The following MOCOS variants were observed in gnomAD, a reference collection of about 807,000 sequenced individuals.
MOCOS encodes the protein molybdenum cofactor sulfurase.
In MOCOS, 86 loss-of-function variants were observed where a neutral mutation model predicts 83.6. The observed-to-expected ratio is 1.03, with a 90% confidence interval of 0.86 to 1.23. MOCOS has a LOEUF of 1.23. MOCOS is among the 50% of genes most tolerant of loss of function. MOCOS has a pLI of 0.00. For missense variants in MOCOS, 1,120 were observed against 1,126.9 expected (o/e 0.99, Z 0.09); for synonymous variants, 445 against 434.7 (o/e 1.02, Z -0.29).
In MOCOS at chr18:36,256,958, T is replaced by G. The variant is rs2091643935; in HGVS notation, c.2165-10T>G. The G allele has an allele frequency of 6.2e-7, 1 of 1,606,832 alleles. No individual in the cohort carries two copies. Among genetic ancestry groups the G allele is most frequent in the Non-Finnish European group, 8.5e-7 (1 of 1,173,524 alleles). On this transcript the variant is annotated splice_polypyrimidine_tract_variant and intron_variant, in intron 11 of 14. Coordinates refer to ENST00000261326, the MANE Select transcript of MOCOS (RefSeq NM_017947.4). Reference sequence around the variant, plus strand: ...AGCAACTCTTCTTTTAAATGCTCCATCATTTTCAGATCAACTTCCTGGTAC... The same window carrying G: ...AGCAACTCTTCTTTTAAATGCTCCAGCATTTTCAGATCAACTTCCTGGTAC...
chr18:36,256,315 A>C (rs2091641323), intron 11 of MOCOS, among the ~76,000 whole-genome samples: 1 of 152,216 alleles, frequency 6.6e-6, no homozygotes, highest in East Asian at 1.9e-4. Flanking sequence ...TTTTGCCCTC[A>C]CCAGGGCTCT....
At chr18:36,196,890 G>GA (rs774695449) in intron 2 of MOCOS, among the ~76,000 whole-genome samples, 160 of 151,204 alleles carry the variant, frequency 1.1e-3, no homozygotes, top group African/African-American at 3.5e-3. Flanking sequence ...TATTTTGGAG[G>GA]AAAAAAAAAG....
chr18:36,218,441 CT>C (rs2091482997), intron 8 of MOCOS, among the ~76,000 whole-genome samples: 1 of 151,790 alleles, frequency 6.6e-6, no homozygotes, highest in African/African-American at 2.4e-5. Flanking sequence ...CAGTTTAAAA[CT>C]AGTTTCTCAG....
chr18:36,206,633 C>G (rs1233843955), intron 6 of MOCOS, among the ~76,000 whole-genome samples: 1 of 152,160 alleles, frequency 6.6e-6, no homozygotes, highest in Non-Finnish European at 1.5e-5. Flanking sequence ...ATCTTCCCCT[C>G]CCCCCACCTT....
chr18:36,198,385 C>T (rs996168098), intron 2 of MOCOS, among the ~76,000 whole-genome samples: 1 of 152,102 alleles, frequency 6.6e-6, no homozygotes, highest in African/African-American at 2.4e-5. Context: ...CAAGACAGAA[C>T]AAAAAACCAA....
intron 3 of MOCOS, 38 bp downstream of exon 3, chr18:36,198,794 A>G: frequency 6.2e-7 from 1 of 1,602,866 alleles, no homozygotes; most frequent in Non-Finnish European, 8.5e-7. Context: ...GGGCATACCT[A>G]GGCAGACAGA....
intron 12 of MOCOS, 117 bp downstream of exon 12, chr18:36,257,190 A>T: frequency 1.1e-6 from 1 of 897,038 alleles, no homozygotes; most frequent in Non-Finnish European, 1.9e-6. Flanking sequence ...GCCCTGCTTC[A>T]TGTACAGATG....
At position 36,215,548 on chromosome 18, in the gene MOCOS, C is replaced by T; in HGVS notation, c.1368C>T (p.Leu456=). 6.2e-7 allele frequency: 1 copy of T among 1,614,164 alleles called. No individual in the cohort carries two copies. The highest frequency in any genetic ancestry group is 1.1e-5 in the South Asian group (1 of 91,064). ...ATGTCTGTGGGGACAATATGGACCT[C>T]ATAGATGGGCAGCCCACAGGATCTG... ...AGHVCGDNMD[L]IDGQPTGSVR... The change falls in exon 8 of 15, where the codon CTC becomes CTT. Residue 456 remains leucine, a synonymous_variant. Transcript: ENST00000261326.
intron 11 of MOCOS, among the ~76,000 whole-genome samples, chr18:36,255,942 GA>G (rs2091640061): frequency 6.7e-6 from 1 of 150,238 alleles, no homozygotes; most frequent in African/African-American, 2.5e-5. Context: ...GCTCAGACTG[GA>G]GTGCAATAGT....
chr18:36,268,682 C>T lies in MOCOS; in HGVS notation c.2664C>T (p.Ser888=), dbSNP rs749798372. The T allele has an allele frequency of 3.2e-6, 5 of 1,565,824 alleles. No homozygotes were observed. The highest frequency in any genetic ancestry group is 4.3e-6 in the Non-Finnish European group (5 of 1,163,456). The change falls in exon 15 of 15, where the codon TCC becomes TCT. Residue 888 remains serine, a synonymous_variant. Transcript: ENST00000261326. The part of the protein sequence containing the change: ...PASEKHQDVT[S] ...CTGAGAAACACCAGGATGTTACCTC[C>T]TAAAAAAAATTTTTAGCATAAAGTT...
chr18:36,243,247 G>A (rs916986392), intron 9 of MOCOS, among the ~76,000 whole-genome samples: 7 of 152,070 alleles, frequency 4.6e-5, no homozygotes, highest in South Asian at 2.1e-4. Context: ...CCTCTTTACC[G>A]ATTTGGATGC....
Position 36,268,611 on chromosome 18 carries a change from C to A in MOCOS, c.2593C>A (p.Leu865Ile), listed in dbSNP as rs2091689307. 6.2e-7 allele frequency: 1 copy of A among 1,613,932 alleles called. No homozygotes were observed. Among genetic ancestry groups the A allele is most frequent in the Non-Finnish European group, 8.5e-7 (1 of 1,179,978 alleles). Reference protein sequence around the residue: ...PCFLSVGSQVLPVLKENVEGH... With the variant: ...PCFLSVGSQVIPVLKENVEGH... ...TTTCCTGTCTGTAGGATCTCAGGTGCTCCCTGTGTTGAAAGAGAATGTGGA... is the reference window on the plus strand; with the variant it reads ...TTTCCTGTCTGTAGGATCTCAGGTGATCCCTGTGTTGAAAGAGAATGTGGA... Residue 865 changes from leucine (L) to isoleucine (I), a missense_variant, in exon 15 of 15, where the codon CTC (leucine) becomes ATC (isoleucine). Physicochemically the swap from Leu to Ile is conservative, Grantham distance 5 (BLOSUM62 2). Transcript: ENST00000261326.
intron 2 of MOCOS, among the ~76,000 whole-genome samples, chr18:36,197,686 G>A (rs1321783286): frequency 6.6e-6 from 1 of 150,854 alleles, no homozygotes; most frequent in East Asian, 2.0e-4. Flanking sequence ...GGCAGGAGGA[G>A]CCCTTGAGCC....
intron 9 of MOCOS, among the ~76,000 whole-genome samples, chr18:36,241,663 C>T (rs1017200308): frequency 6.6e-6 from 1 of 152,236 alleles, no homozygotes; most frequent in Non-Finnish European, 1.5e-5. Flanking sequence ...TCACATTACC[C>T]ATCTGTGCTG....
chr18:36,259,930 TAGA>T (rs554712111), intron 12 of MOCOS, 104 bp from the exon 13 acceptor site: 48 of 1,458,550 alleles, frequency 3.3e-5, no homozygotes, highest in Admixed American at 1.7e-4. Context: ...CAGGCCACAG[TAGA>T]GCTGATGAAG....
At chr18:36,243,538 A>G (rs992776916) in intron 9 of MOCOS, among the ~76,000 whole-genome samples, 1 of 151,752 alleles carries the variant, frequency 6.6e-6, no homozygotes, top group African/African-American at 2.4e-5. Flanking sequence ...GGATTTTTGC[A>G]TCTATATTCA....
chr18:36,194,865 G>C (rs1301873590), intron 1 of MOCOS, among the ~76,000 whole-genome samples: 1 of 152,260 alleles, frequency 6.6e-6, no homozygotes, highest in South Asian at 2.1e-4. Flanking sequence ...GGGGTGCAGA[G>C]CAGTGTGGGA....
intron 14 of MOCOS, among the ~76,000 whole-genome samples, chr18:36,268,062 A>G (rs1258326406): frequency 6.6e-6 from 1 of 152,210 alleles, no homozygotes; most frequent in Non-Finnish European, 1.5e-5. Flanking sequence ...GAGCAGACTT[A>G]CCTACTCTTC....
Position 36,215,964 on chromosome 18 carries a change from G to C in MOCOS, c.1784G>C (p.Cys595Ser). The change falls in exon 8 of 15, where the codon TGT (cysteine) becomes TCT (serine). Residue 595 changes from cysteine to serine, a missense_variant. Physicochemically the swap from Cys to Ser is moderately radical, Grantham distance 112. Coordinates refer to ENST00000261326, the MANE Select transcript of MOCOS (RefSeq NM_017947.4). ...CTTTATCTCTATCCAATCAAATCCT[G>C]TGCTGCATTTGAGGTAAGGAATTTC... is the stretch of plus-strand genomic sequence containing the variant. ...TNLYLYPIKS[C>S]AAFEVTRWPV... 6.2e-7 allele frequency: 1 copy of C among 1,612,912 alleles called. No homozygotes were observed. Among genetic ancestry groups the C allele is most frequent in the Non-Finnish European group, 8.5e-7 (1 of 1,179,862 alleles).
Sources: gnomAD v4.1 joint callset for allele counts (sites outside exome capture counted in the v4.1 genomes callset) on GRCh38, gnomAD v4.1.1 for gene constraint, MANE v1.5 for transcripts, NCBI Gene and HGNC (gene_info 2026-07-23, HGNC 2026-07-21) for gene names.